Variants in PIK3C2G observed in about 807,000 individuals in gnomAD.
The protein encoded by PIK3C2G is phosphatidylinositol-4-phosphate 3-kinase catalytic subunit type 2 gamma.
PIK3C2G carries 168 observed loss-of-function variants against 181.1 expected under a neutral mutation model. That is an observed-to-expected ratio of 0.93 (90% CI 0.82 to 1.05). The LOEUF is 1.05. PIK3C2G is among the 50% of genes least tolerant of loss of function. PIK3C2G has a pLI of 0.00. For synonymous variants in PIK3C2G, 573 were observed against 592.2 expected, an observed-to-expected ratio of 0.97 and a Z score of 0.47; for missense variants, 1,869 against 1,732.8, an observed-to-expected ratio of 1.08 and a Z score of -1.40.
the PIK3C2G span, chr12:18,701,555 G>C: frequency 6.2e-7 from 1 of 1,613,402 alleles, no homozygotes; most frequent in Non-Finnish European, 8.5e-7. Context: ...CTGTTTCCTT[G>C]TCTTGATTGT....
chr12:18,643,881 G>A (rs544642570), intron 32 of PIK3C2G, among the ~76,000 whole-genome samples: 13 of 152,208 alleles, frequency 8.5e-5, no homozygotes, highest in African/African-American at 2.4e-4. Context: ...TGTAAAAGCC[G>A]TGTACTGTTC....
At chr12:18,340,952 T>C (rs1384777689) in intron 9 of PIK3C2G, among the ~76,000 whole-genome samples, 1 of 152,082 alleles carries the variant, frequency 6.6e-6, no homozygotes, top group Non-Finnish European at 1.5e-5. Flanking sequence ...TGGCCATCGA[T>C]TACAGCCAGC....
Position 18,350,565 on chromosome 12 carries a change from C to A in PIK3C2G, c.1625+3729C>A, listed in dbSNP as rs145601641. ...ATATAGAGGTTTCTTGTCCCATAAC[C>A]TTTGCCATTAAAAGGTACATGTGTG... On this transcript the variant is annotated intron_variant, in intron 11 of 32. Coordinates refer to ENST00000538779, the MANE Select transcript of PIK3C2G (RefSeq NM_001288772.2). 7.5e-3 allele frequency among the ~76,000 whole-genome samples: 1,137 copies of A among 152,194 alleles called. 11 individuals carry two copies. Among genetic ancestry groups the A allele is most frequent in the African/African-American group, 0.026 (1,079 of 41,524 alleles).
At position 18,442,874 on chromosome 12, in the gene PIK3C2G, A is replaced by ATT. The variant is rs201145589; in HGVS notation, c.2504+18848_2504+18849dup. Among the ~76,000 whole-genome samples, 74 of 143,920 alleles carry ATT rather than the reference A, an allele frequency of 5.1e-4. 1 individual carries two copies. In the East Asian group the frequency reaches 0.011, roughly 21 times the overall value. 94.4% of individuals were successfully genotyped at this position (143,920 alleles called of 152,430 possible). On this transcript the variant is annotated intron_variant, in intron 18 of 32. Coordinates refer to ENST00000538779, the MANE Select transcript of PIK3C2G (RefSeq NM_001288772.2). ...TTCCTCTGTATGGTCAATATCCTAC[A>ATT]TTTTTTTTTTTTTTGAGACAGATTC...
intron 5 of PIK3C2G, among the ~76,000 whole-genome samples, chr12:18,307,317 T>C (rs934291293): frequency 2.6e-5 from 4 of 151,708 alleles, no homozygotes; most frequent in Admixed American, 1.3e-4. Flanking sequence ...GAATCAAATA[T>C]GTGTAGAGAG....
intron 18 of PIK3C2G, among the ~76,000 whole-genome samples, chr12:18,460,820 C>G (rs746415735): frequency 6.6e-5 from 10 of 151,906 alleles, no homozygotes; most frequent in Non-Finnish European, 1.3e-4. Context: ...CATGCAGATC[C>G]TGGACACCGT....
the PIK3C2G span, chr12:18,695,129 A>T: frequency 3.2e-6 from 5 of 1,540,850 alleles, no homozygotes; most frequent in East Asian, 1.1e-4. Context: ...GAATACAAAT[A>T]AAGGAACACA....
In PIK3C2G at chr12:18,529,252, C is replaced by T. The variant is rs528809859; in HGVS notation, c.3324-8904C>T. Among the ~76,000 whole-genome samples, 30 of 152,124 alleles carry T rather than the reference C, an allele frequency of 2.0e-4. No individual in the cohort carries two copies. In the East Asian group the frequency reaches 4.6e-3, roughly 24 times the overall value. On this transcript the variant is annotated intron_variant, in intron 24 of 32. Transcript: ENST00000538779. ...GCAAGAGGCATGCAAAAACTAAGTC[C>T]AAGTGTTAAAGTATCAGGATCACTT...
At chr12:18,451,926 T>G (rs1408467395) in intron 18 of PIK3C2G, among the ~76,000 whole-genome samples, 1 of 152,220 alleles carries the variant, frequency 6.6e-6, no homozygotes, top group East Asian at 1.9e-4. Context: ...GAAGCCAACT[T>G]GATCGTAGTG....
intron 31 of PIK3C2G, among the ~76,000 whole-genome samples, chr12:18,626,164 A>T (rs1367439752): frequency 6.6e-6 from 1 of 151,504 alleles, no homozygotes; most frequent in Non-Finnish European, 1.5e-5. Flanking sequence ...TATGTTTTCA[A>T]TATTTTTATT....
upstream of PIK3C2G, among the ~76,000 whole-genome samples, chr12:18,245,174 A>T (rs1948027098): frequency 6.6e-6 from 1 of 152,130 alleles, no homozygotes; most frequent in Non-Finnish European, 1.5e-5. Context: ...CGTAATAAAA[A>T]ATAAACAAGG....
intron 24 of PIK3C2G, among the ~76,000 whole-genome samples, chr12:18,529,357 T>C (rs977621722): frequency 3.9e-5 from 6 of 152,136 alleles, no homozygotes; most frequent in African/African-American, 7.2e-5. Context: ...TCTTACTTTT[T>C]TAAAAAAAAT....
rs1941755361 is a variant in PIK3C2G, at chr12:18,505,399, C to T, written c.3261C>T (p.His1087=). ...NDNIMLTKSG[H]MFHIDFGKFL... ...ATATCATGCTGACAAAGTCGGGCCA[C>T]ATGTTTCATATTGACTTTGGAAAAT... Residue 1087 remains histidine (H), a synonymous_variant, in exon 24 of 33, where the codon CAC becomes CAT. Transcript: ENST00000538779. 1 of 1,613,456 alleles carries T rather than the reference C, an allele frequency of 6.2e-7. No individual in the cohort carries two copies. Among genetic ancestry groups the T allele is most frequent in the Admixed American group, 1.7e-5 (1 of 59,962 alleles).
At chr12:18,384,220 T>C (rs1943031065) in intron 14 of PIK3C2G, among the ~76,000 whole-genome samples, 1 of 152,114 alleles carries the variant, frequency 6.6e-6, no homozygotes, top group Admixed American at 6.5e-5. Flanking sequence ...AGAAACTTTT[T>C]TTAAACAGAA....
At chr12:18,645,708 T>C (rs1183728477) in intron 32 of PIK3C2G, among the ~76,000 whole-genome samples, 1 of 152,204 alleles carries the variant, frequency 6.6e-6, no homozygotes, top group Admixed American at 6.6e-5. Context: ...ATCTCATTTC[T>C]TCCTCCCTAT....
At chr12:18,308,464 T>A (rs1950507751) in intron 5 of PIK3C2G, among the ~76,000 whole-genome samples, 1 of 150,884 alleles carries the variant, frequency 6.6e-6, no homozygotes, top group East Asian at 2.0e-4. Flanking sequence ...TATAGATCAA[T>A]GGTTAACATA....
intron 5 of PIK3C2G, among the ~76,000 whole-genome samples, chr12:18,299,550 T>C (rs1458091667): frequency 1.3e-5 from 2 of 151,932 alleles, no homozygotes; most frequent in Non-Finnish European, 2.9e-5. Context: ...TTTTGCCCAA[T>C]TGTTGTGTGT....
intron 24 of PIK3C2G, among the ~76,000 whole-genome samples, chr12:18,525,609 G>A (rs1233126431): frequency 6.6e-6 from 1 of 152,114 alleles, no homozygotes; most frequent in Admixed American, 6.5e-5. Context: ...AGAGCCAATT[G>A]TGTGTCCTTC....
intron 21 of PIK3C2G, among the ~76,000 whole-genome samples, chr12:18,497,150 C>T (rs1249512561): frequency 6.6e-6 from 1 of 152,118 alleles, no homozygotes; most frequent in African/African-American, 2.4e-5. Flanking sequence ...AAAGTCTAAT[C>T]AATCATATGG....
Sources: gnomAD v4.1 joint callset for allele counts (sites outside exome capture counted in the v4.1 genomes callset) on GRCh38, gnomAD v4.1.1 for gene constraint, MANE v1.5 for transcripts, NCBI Gene and HGNC (gene_info 2026-07-23, HGNC 2026-07-21) for gene names.